SCAP: variants seen among roughly 807,000 people sequenced by gnomAD.
The protein encoded by SCAP is SREBF chaperone.
A neutral mutation model predicts 123.6 loss-of-function variants in SCAP; 65 were observed. That is an observed-to-expected ratio of 0.53 (90% confidence interval 0.43 to 0.65). The LOEUF is 0.65. Among genes scored for constraint, SCAP ranks in the 30% least tolerant of loss-of-function variants. SCAP has a pLI of 0.00. For synonymous variants in SCAP, 740 were observed against 726.3 expected, an observed-to-expected ratio of 1.02 and a Z score of -0.30; for missense variants, 1,398 against 1,712.5, an observed-to-expected ratio of 0.82 and a Z score of 3.24.
chr3:47,437,149 A>C (rs1161831764), intron 2 of SCAP, among the ~76,000 whole-genome samples: 1 of 152,148 alleles, frequency 6.6e-6, no homozygotes, highest in Non-Finnish European at 1.5e-5. Flanking sequence ...GCTATTAAGA[A>C]TAAAGTTGGG....
At chr3:47,462,753 CAAAAAAAAAA>C (rs369097240) in intron 1 of SCAP, among the ~76,000 whole-genome samples, 2 of 79,648 alleles carry the variant, frequency 2.5e-5, no homozygotes, top group African/African-American at 5.1e-5. Context: ...AACTCCGTCT[CAAAAAAAAAA>C]AAAAAAAAAA....
At position 47,419,203 on chromosome 3, in the gene SCAP, C is replaced by A; in HGVS notation, c.1940+125G>T. ...AGCTGCCTAAACCACCAGTTCCCACCTCACAACCTTATGAACTGTTTTAAT... is the reference window on the plus strand; with the variant it reads ...AGCTGCCTAAACCACCAGTTCCCACATCACAACCTTATGAACTGTTTTAAT... On this transcript the variant is annotated intron_variant, in intron 13 of 22. Coordinates refer to ENST00000265565, the MANE Select transcript of SCAP (RefSeq NM_012235.4). The surrounding 1 kb of genome is among the most constrained non-coding windows in gnomAD (Gnocchi z 5.0). The A allele has an allele frequency of 7.6e-7, 1 of 1,314,586 alleles. No individual in the cohort carries two copies. Among genetic ancestry groups the A allele is most frequent in the Non-Finnish European group, 1.0e-6 (1 of 975,670 alleles). The allele number at this position is 1,314,586 out of a possible 1,614,324, so 81.4% of individuals were successfully genotyped here.
At chr3:47,442,425 T>C (rs566142306) in intron 2 of SCAP, among the ~76,000 whole-genome samples, 65 of 152,298 alleles carry the variant, frequency 4.3e-4, no homozygotes, top group Admixed American at 1.6e-3. Context: ...AGAAAATGAC[T>C]AGAGAGCAAA....
chr3:47,418,892 C>CA (rs749073716), intron 13 of SCAP, 49 bp from the exon 14 acceptor site: 12 of 1,458,296 alleles, frequency 8.2e-6, no homozygotes, highest in Non-Finnish European at 1.1e-5. Context: ...CCAGGGCTTC[C>CA]TCCTGCTGTG....
Position 47,446,988 on chromosome 3 carries a change from A to T in SCAP, c.-98-3897T>A, listed in dbSNP as rs566712949. On this transcript the variant is annotated intron_variant, in intron 1 of 22. Coordinates refer to ENST00000265565, the MANE Select transcript of SCAP (RefSeq NM_012235.4). Reference sequence around the variant, plus strand: ...GTGATCCATTTGAGTTAATTTTTAGATAAGGTGTGAGATATAAATTCCTTT... The same window carrying T: ...GTGATCCATTTGAGTTAATTTTTAGTTAAGGTGTGAGATATAAATTCCTTT... Among the ~76,000 whole-genome samples the T allele has an allele frequency of 3.9e-5, 6 of 152,342 alleles. No homozygotes were observed. In the South Asian group the frequency reaches 1.2e-3, roughly 32 times the overall value.
rs746314740 is a variant in SCAP at position 47,423,926 on chromosome 3, G to A, written c.1150+7C>T. 2.5e-6 allele frequency: 4 copies of A among 1,606,474 alleles called. No homozygotes were observed. The highest frequency in any genetic ancestry group is 4.5e-5 in the East Asian group (2 of 44,854). Reference sequence around the variant, plus strand: ...CAGCCCTCTGCCCAACTCTCCCACTGCGTTACCTTGGGCGATCCGCAGCTT... The same window carrying A: ...CAGCCCTCTGCCCAACTCTCCCACTACGTTACCTTGGGCGATCCGCAGCTT... On this transcript the variant is annotated splice_region_variant and intron_variant, in intron 9 of 22. Coordinates refer to ENST00000265565, the MANE Select transcript of SCAP (RefSeq NM_012235.4).
intron 1 of SCAP, among the ~76,000 whole-genome samples, chr3:47,463,889 A>AG (rs1707734856): frequency 6.6e-6 from 1 of 152,066 alleles, no homozygotes; most frequent in South Asian, 2.1e-4. Flanking sequence ...CCCAGGCTGG[A>AG]TACAGTTGTA....
intron 1 of SCAP, among the ~76,000 whole-genome samples, chr3:47,457,372 CTTCCACCTTGCTCA>C (rs1259626345): frequency 6.6e-6 from 1 of 152,170 alleles, no homozygotes; most frequent in Non-Finnish European, 1.5e-5. Flanking sequence ...TAACTGTGAA[CTTCCACCTTGCTCA>C]TTCTGACTCT....
At chr3:47,465,087 C>T (rs1037009442) in intron 1 of SCAP, among the ~76,000 whole-genome samples, 1 of 151,816 alleles carries the variant, frequency 6.6e-6, no homozygotes, top group African/African-American at 2.4e-5. Context: ...TAAACTGAAA[C>T]ATTGCTGAAA....
At chr3:47,457,059 A>G (rs912956516) in intron 1 of SCAP, among the ~76,000 whole-genome samples, 5 of 152,176 alleles carry the variant, frequency 3.3e-5, no homozygotes, top group Admixed American at 6.6e-5. Flanking sequence ...TATCATAAAG[A>G]AACATTCAGA....
chr3:47,435,159 T>A lies in SCAP; in HGVS notation c.123-22A>T, dbSNP rs200322305. The A allele has an allele frequency of 1.9e-6, 3 of 1,607,132 alleles. No individual in the cohort carries two copies. In the African/African-American group the frequency reaches 4.0e-5, roughly 21 times the overall value. ...GTAGCTGGGATGTACAAAAAGGAGA[T>A]AAGAATTAGACACTATGAGAGGCAG... On this transcript the variant is annotated intron_variant, in intron 2 of 22. Transcript: ENST00000265565.
At chr3:47,467,606 AAAAAG>A (rs1707872058) in intron 1 of SCAP, among the ~76,000 whole-genome samples, 1 of 152,096 alleles carries the variant, frequency 6.6e-6, no homozygotes, top group Non-Finnish European at 1.5e-5. Context: ...CCGTCTCAAG[AAAAAG>A]AAAAAGAAAA....
chr3:47,435,428 TTATAACATTATA>T (rs1706530330), intron 2 of SCAP, among the ~76,000 whole-genome samples: 2 of 137,034 alleles, frequency 1.5e-5, no homozygotes, highest in Admixed American at 1.5e-4. Context: ...ATATACTTAG[TTATAACATTATA>T]TATAACATTA....
intron 1 of SCAP, among the ~76,000 whole-genome samples, chr3:47,472,074 T>G (rs553314157): frequency 6.7e-6 from 1 of 149,834 alleles, no homozygotes; most frequent in East Asian, 2.0e-4. Flanking sequence ...TAAACCAAGA[T>G]AGCATCAATG....
At chr3:47,425,947 A>G (rs1706108157) in intron 7 of SCAP, 50 bp downstream of exon 7, 1 of 1,602,826 alleles carries the variant, frequency 6.2e-7, no homozygotes. Context: ...TGACATGGAA[A>G]TGCCCGTTTA....
At chr3:47,460,867 T>C (rs558995462) in intron 1 of SCAP, among the ~76,000 whole-genome samples, 1 of 152,222 alleles carries the variant, frequency 6.6e-6, no homozygotes, top group East Asian at 1.9e-4. Context: ...GAACTCTTAA[T>C]ATAAACGTTG....
At position 47,417,446 on chromosome 3, in the gene SCAP, G is replaced by A; in HGVS notation, c.2828C>T (p.Ser943Phe). 4 of 1,553,848 alleles carry A rather than the reference G, an allele frequency of 2.6e-6. No homozygotes were observed. Among genetic ancestry groups the A allele is most frequent in the Admixed American group, 2.0e-5 (1 of 51,200 alleles). The change falls in exon 17 of 23, where the codon TCC (serine) becomes TTC (phenylalanine). Residue 943 changes from serine to phenylalanine, a missense_variant. Physicochemically the swap from Ser to Phe is radical, Grantham distance 155 (BLOSUM62 -2). Coordinates refer to ENST00000265565, the MANE Select transcript of SCAP (RefSeq NM_012235.4). ...LRPPSPGPVLSQAPEDEGGSP... is the reference protein window; with the variant it reads ...LRPPSPGPVLFQAPEDEGGSP... Reference sequence around the variant, plus strand: ...GCCACCCTCGTCCTCAGGGGCCTGGGACAGCACCGGCCCAGGCGAGGGTGG... The same window carrying A: ...GCCACCCTCGTCCTCAGGGGCCTGGAACAGCACCGGCCCAGGCGAGGGTGG...
intron 18 of SCAP, among the ~76,000 whole-genome samples, chr3:47,416,481 G>C (rs1380579825): frequency 6.6e-6 from 1 of 152,330 alleles, no homozygotes; most frequent in Middle Eastern, 3.4e-3. Context: ...ATATTGACAA[G>C]CTAATCAGAG....
At position 47,475,921 on chromosome 3, in the gene SCAP, T is replaced by C. The variant is rs1168551178; in HGVS notation, c.-221A>G. 1 of 152,930 alleles carries C rather than the reference T, an allele frequency of 6.5e-6. No individual in the cohort carries two copies. The highest frequency in any genetic ancestry group is 1.5e-5 in the Non-Finnish European group (1 of 68,308). 9.5% of individuals were successfully genotyped at this position (152,930 alleles called of 1,614,324 possible). On this transcript the variant is annotated 5_prime_UTR_variant, in exon 1 of 23. Coordinates refer to ENST00000265565, the MANE Select transcript of SCAP (RefSeq NM_012235.4). ...TCCGGTGCGTGGCGCCCTCCCTCTC[T>C]CTCCTGGCCGCCGGGTGCCCGCCCC...
Sources: gnomAD v4.1 joint callset for allele counts (sites outside exome capture counted in the v4.1 genomes callset) on GRCh38, gnomAD v4.1.1 for gene constraint, Gnocchi (gnomAD v3.1) non-coding constraint, MANE v1.5 for transcripts, NCBI Gene and HGNC (gene_info 2026-07-23, HGNC 2026-07-21) for gene names.